BRINP3: variants seen among roughly 807,000 people sequenced by gnomAD.
BRINP3 encodes BMP/retinoic acid-inducible neural-specific protein 3.
A neutral mutation model predicts 71.0 loss-of-function variants in BRINP3; 19 were observed. The ratio of observed to expected loss-of-function variants is 0.27; its 90% CI spans 0.19 to 0.39. The LOEUF (loss-of-function observed/expected upper bound fraction) is 0.39, where lower values mean the gene tolerates loss of function less well. Among genes scored for constraint, BRINP3 ranks in the 10% least tolerant of loss-of-function variants. The probability of loss-of-function intolerance (pLI) is 1.00; values close to 1 mark genes in which losing one functional copy is unlikely to be tolerated. For synonymous variants in BRINP3, 380 were observed against 337.7 expected, an observed-to-expected ratio of 1.13 and a Z score of -1.37; for missense variants, 959 against 940.8, an observed-to-expected ratio of 1.02 and a Z score of -0.25.
chr1:190,277,092 T>TATATATATATATATATATATAG (rs1662629909), intron 3 of BRINP3, among the ~76,000 whole-genome samples: 1 of 103,670 alleles, frequency 9.6e-6, no homozygotes, highest in Non-Finnish European at 2.1e-5. Context: ...TGGTTTTATA[T>TATATATATATATATATATATAG]ATATATATAT....
chr1:190,109,810 C>T (rs996516564), intron 7 of BRINP3, among the ~76,000 whole-genome samples: 6 of 152,194 alleles, frequency 3.9e-5, no homozygotes, highest in African/African-American at 1.4e-4. Context: ...AAGACTTGCA[C>T]CAGTAGTCCC....
intron 4 of BRINP3, among the ~76,000 whole-genome samples, chr1:190,248,679 A>G (rs187560324): frequency 1.3e-5 from 2 of 151,914 alleles, no homozygotes; most frequent in Admixed American, 6.6e-5. Context: ...TTTAAAACAT[A>G]GTACATATAT....
At chr1:190,241,050 T>C (rs1659041955) in intron 4 of BRINP3, among the ~76,000 whole-genome samples, 1 of 152,008 alleles carries the variant, frequency 6.6e-6, no homozygotes, top group Non-Finnish European at 1.5e-5. Context: ...ATAAACTCTC[T>C]ATGCATAATT....
intron 7 of BRINP3, among the ~76,000 whole-genome samples, chr1:190,157,334 C>A (rs937502040): frequency 1.3e-5 from 2 of 151,928 alleles, no homozygotes; most frequent in Non-Finnish European, 2.9e-5. Context: ...TATAACTGGA[C>A]CCACGCAGTT....
chr1:190,190,711 T>C (rs1653960910), intron 6 of BRINP3, among the ~76,000 whole-genome samples: 1 of 152,146 alleles, frequency 6.6e-6, no homozygotes, highest in Non-Finnish European at 1.5e-5. Flanking sequence ...CAAAGTGTTT[T>C]TTTTTGAAAT....
intron 3 of BRINP3, among the ~76,000 whole-genome samples, chr1:190,278,674 A>C (rs1558139165): frequency 6.6e-6 from 1 of 151,686 alleles, no homozygotes; most frequent in South Asian, 2.1e-4. Flanking sequence ...TGAAAACTCA[A>C]TCCAAGGAAT....
intron 2 of BRINP3, among the ~76,000 whole-genome samples, chr1:190,299,909 C>A (rs1726569): frequency 0.39 from 58,860 of 151,808 alleles, 12,679 homozygotes; most frequent in Non-Finnish European, 0.49. Flanking sequence ...GAGTTTCTGC[C>A]GAGACATCTG....
intron 2 of BRINP3, among the ~76,000 whole-genome samples, chr1:190,321,028 T>C (rs1379687926): frequency 6.6e-6 from 1 of 152,094 alleles, no homozygotes; most frequent in Non-Finnish European, 1.5e-5. Context: ...AATGGAGTTT[T>C]ATAATAAATA....
chr1:190,322,820 A>T (rs973331181), intron 2 of BRINP3, among the ~76,000 whole-genome samples: 11 of 152,224 alleles, frequency 7.2e-5, no homozygotes, highest in African/African-American at 2.6e-4. Context: ...ATGATTTTTA[A>T]CCAAATCACC....
chr1:190,440,710 T>C (rs1371980324), intron 2 of BRINP3, among the ~76,000 whole-genome samples: 1 of 151,992 alleles, frequency 6.6e-6, no homozygotes, highest in Non-Finnish European at 1.5e-5. Flanking sequence ...TATCCAACTA[T>C]GTGTTGTCTT....
At chr1:190,137,270 G>C (rs946056201) in intron 7 of BRINP3, among the ~76,000 whole-genome samples, 3 of 152,040 alleles carry the variant, frequency 2.0e-5, no homozygotes, top group Non-Finnish European at 4.4e-5. Flanking sequence ...ATGAAAGAGA[G>C]CAAATAAGGA....
chr1:190,336,848 T>TTCC (rs1181805239), intron 2 of BRINP3, among the ~76,000 whole-genome samples: 45 of 125,578 alleles, frequency 3.6e-4, no homozygotes, highest in African/African-American at 1.3e-3. Flanking sequence ...CCTTCCTTCC[T>TTCC]TCCTTCCCTC....
At chr1:190,286,750 T>G (rs989587982) in intron 2 of BRINP3, among the ~76,000 whole-genome samples, 1 of 152,124 alleles carries the variant, frequency 6.6e-6, no homozygotes, top group African/African-American at 2.4e-5. Context: ...TAAGCATTCA[T>G]GTCTACTGGA....
At chr1:190,297,207 CATAAT>C in intron 2 of BRINP3, among the ~76,000 whole-genome samples, 1 of 151,852 alleles carries the variant, frequency 6.6e-6, no homozygotes, top group East Asian at 1.9e-4. Context: ...TAACAAGACA[CATAAT>C]AGAGAGGCCA....
At chr1:190,464,252 T>A (rs1165343650) in intron 1 of BRINP3, among the ~76,000 whole-genome samples, 1 of 151,724 alleles carries the variant, frequency 6.6e-6, no homozygotes, top group African/African-American at 2.4e-5. Flanking sequence ...GCTACAAAAA[T>A]GGCAGAAATG....
intron 7 of BRINP3, among the ~76,000 whole-genome samples, chr1:190,132,542 C>T (rs1342916): frequency 0.62 from 94,479 of 151,886 alleles, 31,473 homozygotes; most frequent in African/African-American, 0.88. Flanking sequence ...AATATTCATC[C>T]TATTCTTCAT....
At chr1:190,287,658 C>A (rs1361798482) in intron 2 of BRINP3, among the ~76,000 whole-genome samples, 4 of 152,030 alleles carry the variant, frequency 2.6e-5, no homozygotes, top group Non-Finnish European at 4.4e-5. Flanking sequence ...TCAAAGTAGA[C>A]TACAGAAGAC....
intron 2 of BRINP3, among the ~76,000 whole-genome samples, chr1:190,417,527 A>T (rs1467142140): frequency 6.6e-6 from 1 of 152,102 alleles, no homozygotes; most frequent in Non-Finnish European, 1.5e-5. Flanking sequence ...AATACTTCCC[A>T]GGAAGTTATT....
chr1:190,445,590 CA>C (rs1675160812), intron 2 of BRINP3, among the ~76,000 whole-genome samples: 1 of 151,794 alleles, frequency 6.6e-6, no homozygotes, highest in African/African-American at 2.4e-5. Context: ...CACACACACA[CA>C]CACACCCTCA....
Sources: gnomAD v4.1 joint callset for allele counts (sites outside exome capture counted in the v4.1 genomes callset) on GRCh38, gnomAD v4.1.1 for gene constraint, MANE v1.5 for transcripts, NCBI Gene and HGNC (gene_info 2026-07-23, HGNC 2026-07-21) for gene names.